The following B4GALNT3 variants were observed in gnomAD, a reference collection of about 807,000 sequenced individuals.
B4GALNT3 encodes beta-1,4-N-acetylgalactosaminyltransferase 3.
A neutral mutation model predicts 120.2 loss-of-function variants in B4GALNT3; 86 were observed. The observed-to-expected ratio is 0.72, with a 90% CI of 0.60 to 0.86. The LOEUF is 0.86. Ranked by LOEUF, B4GALNT3 falls within the 40% of genes least tolerant of loss-of-function variation. The pLI is 0.00. For synonymous variants in B4GALNT3, 518 were observed against 510.4 expected (o/e 1.01, Z -0.20); for missense variants, 1,167 against 1,298.9 (o/e 0.90, Z 1.56).
At chr12:544,508 T>G in intron 4 of B4GALNT3, 74 bp downstream of exon 4, 1 of 1,323,986 alleles carries the variant, frequency 7.6e-7, no homozygotes, top group Non-Finnish European at 1.1e-6. Context: ...CTCTCATCTT[T>G]CCTTACATCT....
chr12:485,818 G>C (rs1946285454), intron 1 of B4GALNT3, among the ~76,000 whole-genome samples: 1 of 152,116 alleles, frequency 6.6e-6, no homozygotes, highest in South Asian at 2.1e-4. Flanking sequence ...CTAACCACAA[G>C]TAAAGAGCTG....
chr12:525,607 A>G (rs927185068), intron 1 of B4GALNT3, among the ~76,000 whole-genome samples: 1 of 152,086 alleles, frequency 6.6e-6, no homozygotes, highest in Non-Finnish European at 1.5e-5. Context: ...AAGGCCCTCC[A>G]ACTATGGAAA....
Position 553,437 on chromosome 12 carries a change from A to G in B4GALNT3, c.1514A>G (p.His505Arg), listed in dbSNP as rs560606072. The G allele has an allele frequency of 6.2e-7, 1 of 1,614,110 alleles. No individual in the cohort carries two copies. The highest frequency in any genetic ancestry group is 1.1e-5 in the South Asian group (1 of 91,090). The change falls in exon 14 of 20, where the codon CAC becomes CGC. Residue 505 changes from histidine (H) to arginine (R), a missense_variant. This residue lies in a region of B4GALNT3 where 983 missense variants were observed against 1,102.5 expected (regional missense o/e 0.89). Coordinates refer to ENST00000266383, the MANE Select transcript of B4GALNT3 (RefSeq NM_173593.4). Reference protein sequence around the residue: ...STASFPGRTSHIPVQQPEKRK... With the variant: ...STASFPGRTSRIPVQQPEKRK... ...GCGTCCTTCCCAGGGAGGACCAGCC[A>G]CATTCCAGTGCAGCAGCCAGAGAAG...
rs374802575 is a variant in B4GALNT3, at chr12:545,359, C to T, written c.539-10C>T. ...CTTGCCCTCATCTGGAAACTCTCCC[C>T]GCTGCCCAGGGAAAATCCAGTTTGC... On this transcript the variant is annotated splice_polypyrimidine_tract_variant and intron_variant, in intron 5 of 19. Coordinates refer to ENST00000266383, the MANE Select transcript of B4GALNT3 (RefSeq NM_173593.4). 3.3e-5 allele frequency: 53 copies of T among 1,605,620 alleles called. No individual in the cohort carries two copies. The African/African-American group carries it at 5.5e-4, about 17-fold the overall frequency.
intron 13 of B4GALNT3, chr12:552,899 C>T (rs1338410458): frequency 2.0e-6 from 1 of 505,136 alleles, no homozygotes; most frequent in Non-Finnish European, 3.5e-6. Flanking sequence ...CTGGGACCAT[C>T]TGCTGGGTCC....
At chr12:483,993 C>T (rs1946266092) in intron 1 of B4GALNT3, among the ~76,000 whole-genome samples, 1 of 152,170 alleles carries the variant, frequency 6.6e-6, no homozygotes, top group Non-Finnish European at 1.5e-5. Context: ...ATTTGTTTCC[C>T]AGTTCATAAA....
chr12:533,980 G>A (rs763187402), intron 1 of B4GALNT3, among the ~76,000 whole-genome samples: 7 of 152,200 alleles, frequency 4.6e-5, no homozygotes, highest in African/African-American at 1.7e-4. Flanking sequence ...TGGTGCTCAC[G>A]TAGGGGTTCC....
At chr12:556,395 G>T in intron 14 of B4GALNT3, 152 bp from the exon 15 acceptor site, 2 of 689,328 alleles carry the variant, frequency 2.9e-6, no homozygotes, top group Non-Finnish European at 2.5e-6. Context: ...GAGAGATTGC[G>T]AATCTTGCCT....
At chr12:468,419 T>C (rs907305531) in intron 1 of B4GALNT3, among the ~76,000 whole-genome samples, 2 of 152,176 alleles carry the variant, frequency 1.3e-5, no homozygotes, top group African/African-American at 2.4e-5. Flanking sequence ...ATTACGTCTT[T>C]CCATATAAGA....
intron 1 of B4GALNT3, among the ~76,000 whole-genome samples, chr12:506,552 C>G (rs1414777778): frequency 6.6e-6 from 1 of 152,202 alleles, no homozygotes; most frequent in Non-Finnish European, 1.5e-5. Context: ...AATATGCCTT[C>G]TAAGTGTTTT....
intron 1 of B4GALNT3, among the ~76,000 whole-genome samples, chr12:509,271 G>C (rs1312010986): frequency 6.6e-6 from 1 of 152,256 alleles, no homozygotes; most frequent in East Asian, 1.9e-4. Flanking sequence ...CAGCTGACAA[G>C]TGCTCTGCAA....
intron 1 of B4GALNT3, among the ~76,000 whole-genome samples, chr12:521,328 C>A (rs934079585): frequency 1.1e-4 from 16 of 152,158 alleles, no homozygotes; most frequent in Non-Finnish European, 2.1e-4. Context: ...CTTAGACTGT[C>A]CTGGGAATTT....
Position 514,386 on chromosome 12 carries a change from G to A in B4GALNT3, c.170-20780G>A, listed in dbSNP as rs192289299. ...CTAATTTTTTGTATTTTTAGTAGAGGCGGGGTTTCACCGTGTTAGCCAGGA... is the reference window on the plus strand; with the variant it reads ...CTAATTTTTTGTATTTTTAGTAGAGACGGGGTTTCACCGTGTTAGCCAGGA... On this transcript the variant is annotated intron_variant, in intron 1 of 19. Coordinates refer to ENST00000266383, the MANE Select transcript of B4GALNT3 (RefSeq NM_173593.4). Among the ~76,000 whole-genome samples the A allele has an allele frequency of 3.4e-3, 513 of 151,696 alleles. 1 individual carries two copies. The highest frequency in any genetic ancestry group is 6.2e-3 in the African/African-American group (258 of 41,448).
At chr12:463,402 A>G (rs965548628) in intron 1 of B4GALNT3, among the ~76,000 whole-genome samples, 1 of 152,204 alleles carries the variant, frequency 6.6e-6, no homozygotes, top group African/African-American at 2.4e-5. Flanking sequence ...AACAACCAAA[A>G]TCCTTAACAA....
chr12:492,737 A>G (rs1213177730), intron 1 of B4GALNT3, among the ~76,000 whole-genome samples: 1 of 152,210 alleles, frequency 6.6e-6, no homozygotes, highest in Non-Finnish European at 1.5e-5. Context: ...AGTAATGAAG[A>G]CACTGTTATA....
chr12:501,130 C>T (rs1421096378), intron 1 of B4GALNT3, among the ~76,000 whole-genome samples: 1 of 152,126 alleles, frequency 6.6e-6, no homozygotes, highest in African/African-American at 2.4e-5. Context: ...CCCCCTCAGC[C>T]TCCCAAAGTG....
chr12:511,871 CCACCTTCCACCTT>C (rs1462273916), intron 1 of B4GALNT3, among the ~76,000 whole-genome samples: 1 of 42,356 alleles, frequency 2.4e-5, no homozygotes, highest in African/African-American at 1.1e-4. Context: ...CTTCCACCTT[CCACCTTCCACCTT>C]CTTCCACCTT....
At position 550,851 on chromosome 12, in the gene B4GALNT3, C is replaced by A; in HGVS notation, c.998-71C>A. 8.0e-7 allele frequency: 1 copy of A among 1,257,432 alleles called. No homozygotes were observed. Among genetic ancestry groups the A allele is most frequent in the Non-Finnish European group, 1.1e-6 (1 of 871,016 alleles). The allele number at this position is 1,257,432 out of a possible 1,614,324, so 77.9% of individuals were successfully genotyped here. ...TTGCGAATACAGAAAGGGCCCTGCTCAGGGCAGAGGACTTCAGCCCCAGTT... is the reference window on the plus strand; with the variant it reads ...TTGCGAATACAGAAAGGGCCCTGCTAAGGGCAGAGGACTTCAGCCCCAGTT... On this transcript the variant is annotated intron_variant, in intron 10 of 19. Transcript: ENST00000266383. This position sits in a 1 kb window ranked among gnomAD's most constrained non-coding sequence, Gnocchi z 4.1.
At chr12:527,223 C>T (rs372750602) in intron 1 of B4GALNT3, among the ~76,000 whole-genome samples, 10 of 152,190 alleles carry the variant, frequency 6.6e-5, no homozygotes, top group Admixed American at 1.3e-4. Context: ...CCACCACACC[C>T]GGCTGGTTTT....
Sources: allele counts gnomAD v4.1 joint callset (sites outside exome capture counted in the v4.1 genomes callset), GRCh38; gene constraint gnomAD v4.1.1; regional missense constraint gnomAD v4.1.1; non-coding constraint Gnocchi (gnomAD v3.1); transcripts MANE v1.5; gene names NCBI Gene and HGNC (gene_info 2026-07-23, HGNC 2026-07-21).